RECQL5: variants seen among roughly 807,000 people sequenced by gnomAD.
The protein encoded by RECQL5 is RecQ like helicase 5.
A neutral mutation model predicts 103.4 loss-of-function variants in RECQL5; 88 were observed. The ratio of observed to expected loss-of-function variants is 0.85; its 90% CI spans 0.72 to 1.02. The LOEUF (loss-of-function observed/expected upper bound fraction) is 1.02. RECQL5 is among the 50% of genes least tolerant of loss of function. The pLI is 0.00. For missense variants in RECQL5, 1,232 were observed against 1,284.3 expected (o/e 0.96, Z 0.62); for synonymous variants, 552 against 507.9 (o/e 1.09, Z -1.17).
rs546238286 is a variant in RECQL5, at chr17:75,650,566, T to C, written c.1229+620A>G. The stretch of plus-strand genomic sequence containing the variant: ...AGCGTCATCCGACAGGATCATTCCA[T>C]GAGATGAGATGAATCCAAGAGCTTT... On this transcript the variant is annotated intron_variant, in intron 8 of 19. Transcript: ENST00000317905. 1.8e-5 allele frequency: 28 copies of C among 1,535,884 alleles called. No individual in the cohort carries two copies. In the South Asian group the frequency reaches 2.1e-4, roughly 12 times the overall value.
intron 7 of RECQL5, among the ~76,000 whole-genome samples, chr17:75,653,945 C>A (rs1201467042): frequency 6.6e-6 from 1 of 151,856 alleles, no homozygotes; most frequent in Non-Finnish European, 1.5e-5. Context: ...AAAACAAAAA[C>A]CAGACACTGA....
At position 75,629,190 on chromosome 17, in the gene RECQL5, G is replaced by C; in HGVS notation, c.2233C>G (p.Arg745Gly). ...AGGAGCTGCTGTTTCTTGCTAGCCC[G>C]GCCCTTGGCAAGGGAGCTGCCCCCA... The part of the protein sequence containing the change: ...SSGGSSLAKG[R>G]ASKKQQLLAT... The change falls in exon 16 of 20, where the codon CGG becomes GGG. Residue 745 changes from arginine (R) to glycine (G), a missense_variant. Transcript: ENST00000317905. 6.2e-7 allele frequency: 1 copy of C among 1,613,600 alleles called. No homozygotes were observed. Among genetic ancestry groups the C allele is most frequent in the Non-Finnish European group, 8.5e-7 (1 of 1,179,974 alleles).
At chr17:75,631,721 G>A (rs1188281413) in intron 8 of RECQL5, 53 bp from the exon 9 acceptor site, 12 of 1,578,596 alleles carry the variant, frequency 7.6e-6, no homozygotes, top group Admixed American at 3.4e-5. Context: ...GTCGGCCAGC[G>A]TCTGTTCACC....
rs576748122 is a variant in RECQL5, at chr17:75,651,132, G to T, written c.1229+54C>A. Reference sequence around the variant, plus strand: ...CAGCTGCTTAACTAGGGCGTGCCGGGGAAGTAAATGATCTCACTGACACTT... The same window carrying T: ...CAGCTGCTTAACTAGGGCGTGCCGGTGAAGTAAATGATCTCACTGACACTT... On this transcript the variant is annotated intron_variant, in intron 8 of 19. Transcript: ENST00000317905. 13 of 1,613,782 alleles carry T rather than the reference G, an allele frequency of 8.1e-6. No individual in the cohort carries two copies. The African/African-American group carries it at 1.3e-4, about 17-fold the overall frequency.
At position 75,626,984 on chromosome 17, in the gene RECQL5, A is replaced by T. The variant is rs1383880128; in HGVS notation, c.*438T>A. On this transcript the variant is annotated 3_prime_UTR_variant, in exon 20 of 20. Coordinates refer to ENST00000317905, the MANE Select transcript of RECQL5 (RefSeq NM_004259.7). ...CTGCCTCTCCTCTGCCACAGCTCTG[A>T]CCTGGGCAAGGCTGGAAGCTGGCAT... 7 of 369,960 alleles carry T rather than the reference A, an allele frequency of 1.9e-5. No individual in the cohort carries two copies. In the East Asian group the frequency reaches 4.4e-4, roughly 23 times the overall value. 22.9% of individuals were successfully genotyped at this position (369,960 alleles called of 1,614,324 possible).
intron 2 of RECQL5, 75 bp downstream of exon 2, chr17:75,666,353 A>T (rs1437186167): frequency 6.6e-7 from 1 of 1,523,372 alleles, no homozygotes. Context: ...ACGAAGGGTG[A>T]GGAGGAGGGT....
intron 7 of RECQL5, among the ~76,000 whole-genome samples, chr17:75,654,981 T>A (rs1156832581): frequency 6.6e-6 from 1 of 152,054 alleles, no homozygotes; most frequent in Non-Finnish European, 1.5e-5. Context: ...TTTGTAGAGA[T>A]AAAGTCTTGT....
chr17:75,640,113 G>T lies in RECQL5; in HGVS notation c.1230-8445C>A. 1 of 1,438,944 alleles carries T rather than the reference G, an allele frequency of 6.9e-7. No individual in the cohort carries two copies. Among genetic ancestry groups the T allele is most frequent in the South Asian group, 1.4e-5 (1 of 69,488 alleles). The allele number at this position is 1,438,944 out of a possible 1,614,324, so 89.1% of individuals were successfully genotyped here. On this transcript the variant is annotated intron_variant, in intron 8 of 19. Coordinates refer to ENST00000317905, the MANE Select transcript of RECQL5 (RefSeq NM_004259.7). This position sits in a 1 kb window ranked among gnomAD's most constrained non-coding sequence, Gnocchi z 4.6. The stretch of plus-strand genomic sequence containing the variant: ...TGCGAGGGTGGAATCTCGGTGCTGC[G>T]ACGAGTGTGGGGCCAGCCGTGGAGG...
intron 7 of RECQL5, among the ~76,000 whole-genome samples, chr17:75,653,111 C>T (rs1395624820): frequency 1.3e-5 from 2 of 152,220 alleles, no homozygotes; most frequent in African/African-American, 4.8e-5. Context: ...ATCCTCAATC[C>T]GCAGACACTC....
Position 75,647,375 on chromosome 17 carries a change from T to G in RECQL5, c.1229+3811A>C, listed in dbSNP as rs568773553. 8.7e-5 allele frequency: 134 copies of G among 1,547,508 alleles called. No individual in the cohort carries two copies. In the East Asian group the frequency reaches 3.0e-3, roughly 35 times the overall value. ...TCCTCTGTCCCTCTTTTCCAGATTC[T>G]CATGGACCAACTGGTATTCAAAGAG... is the stretch of plus-strand genomic sequence containing the variant. On this transcript the variant is annotated intron_variant, in intron 8 of 19. Transcript: ENST00000317905.
chr17:75,659,645 C>T (rs1038174761), intron 6 of RECQL5, among the ~76,000 whole-genome samples: 2 of 152,316 alleles, frequency 1.3e-5, no homozygotes, highest in Admixed American at 6.5e-5. Flanking sequence ...TGAACCACTA[C>T]ACCTGGCAGC....
At chr17:75,665,357 T>C (rs1273710030) in intron 2 of RECQL5, among the ~76,000 whole-genome samples, 185 bp from the exon 3 acceptor site, 1 of 152,204 alleles carries the variant, frequency 6.6e-6, no homozygotes, top group East Asian at 1.9e-4. Context: ...GAAACTTGGA[T>C]ACATGCCCAA....
At chr17:75,630,409 C>A in intron 13 of RECQL5, 132 bp from the exon 14 acceptor site, 1 of 935,868 alleles carries the variant, frequency 1.1e-6, no homozygotes, top group Non-Finnish European at 1.6e-6. Flanking sequence ...CTCTGAGCAC[C>A]CTGTGGCTTA....
At chr17:75,656,044 C>G (rs980469266) in intron 7 of RECQL5, among the ~76,000 whole-genome samples, 7 of 151,880 alleles carry the variant, frequency 4.6e-5, no homozygotes, top group Admixed American at 1.3e-4. Flanking sequence ...GGTTGTCAAC[C>G]CTGGCCATAT....
At position 75,661,701 on chromosome 17, in the gene RECQL5, C is replaced by G; in HGVS notation, c.779G>C (p.Gly260Ala). The change falls in exon 5 of 20, where the codon GGC (glycine) becomes GCC (alanine). Residue 260 changes from glycine (G) to alanine (A), a missense_variant. By Grantham distance (60) the Gly-to-Ala change is moderately conservative. Coordinates refer to ENST00000317905, the MANE Select transcript of RECQL5 (RefSeq NM_004259.7). ...AGTCCTGCAGTACACAATGCCGCAG[C>G]CAGATAACTGAATGGGGAGATGCAG... Reference protein sequence around the residue: ...LGQEADKGLSGCGIVYCRTRE... With the variant: ...LGQEADKGLSACGIVYCRTRE... The G allele has an allele frequency of 3.1e-6, 5 of 1,613,256 alleles. No individual in the cohort carries two copies. The highest frequency in any genetic ancestry group is 4.2e-6 in the Non-Finnish European group (5 of 1,179,278).
intron 6 of RECQL5, among the ~76,000 whole-genome samples, chr17:75,659,793 G>A (rs1341264543): frequency 1.3e-5 from 2 of 152,268 alleles, no homozygotes; most frequent in African/African-American, 4.8e-5. Flanking sequence ...AATCATACAA[G>A]GTATTATTAT....
rs1351071378 is a variant in RECQL5 at position 75,629,276 on chromosome 17, ACCTCCCCTCTGGG to A, written c.2134_2146del (p.Pro712SerfsTer38). ...CCCATAGTGAGCGCTGCCTCCAGGGACCTCCCCTCTGGGCCCAGGGAGGGGCTCACTCCCATCC... is the reference window on the plus strand; with the variant it reads ...CCCATAGTGAGCGCTGCCTCCAGGGACCCAGGGAGGGGCTCACTCCCATCC... On this transcript the variant is annotated frameshift_variant, in exon 16 of 20. Coordinates refer to ENST00000317905, the MANE Select transcript of RECQL5 (RefSeq NM_004259.7). LOFTEE classifies it high-confidence loss of function. 1.9e-6 allele frequency: 3 copies of A among 1,599,814 alleles called. No homozygotes were observed.
At chr17:75,630,101 C>A in intron 14 of RECQL5, 83 bp downstream of exon 14, 4 of 1,257,876 alleles carry the variant, frequency 3.2e-6, no homozygotes, top group Non-Finnish European at 3.3e-6. Flanking sequence ...GCTGCCTGAG[C>A]CCAGAGAGCT....
rs796773105 is a variant in RECQL5 at position 75,638,774 on chromosome 17, C to T, written c.1230-7106G>A. The T allele has an allele frequency of 2.0e-5, 3 of 152,438 alleles. No homozygotes were observed. The South Asian group carries it at 6.2e-4, about 32-fold the overall frequency. 9.4% of individuals were successfully genotyped at this position (152,438 alleles called of 1,614,324 possible). ...TTCCATATCAGAGACATGAAGCAAC[C>T]TGTTCATGTCACAAAAGGAAGAAGT... On this transcript the variant is annotated intron_variant, in intron 8 of 19. Transcript: ENST00000317905.
Sources: allele counts gnomAD v4.1 joint callset (sites outside exome capture counted in the v4.1 genomes callset), GRCh38; gene constraint gnomAD v4.1.1; non-coding constraint Gnocchi (gnomAD v3.1); transcripts MANE v1.5; gene names NCBI Gene and HGNC (gene_info 2026-07-23, HGNC 2026-07-21).